Variants in GABRB3 observed in about 807,000 individuals in gnomAD.
The protein encoded by GABRB3 is gamma-aminobutyric acid type A receptor subunit beta3, also known as gamma-aminobutyric acid receptor subunit beta-3.
GABRB3 carries 14 observed loss-of-function variants against 52.1 expected under a neutral mutation model. That is an observed-to-expected ratio of 0.27 (90% CI 0.18 to 0.42). GABRB3 has a LOEUF of 0.42. GABRB3 is among the 10% of genes least tolerant of loss of function. The probability of loss-of-function intolerance (pLI) is 1.00; values close to 1 mark genes in which losing one functional copy is unlikely to be tolerated. For missense variants in GABRB3, 307 were observed against 609.1 expected (o/e 0.50, Z 5.22); for synonymous variants, 260 against 232.3 (o/e 1.12, Z -1.08).
At chr15:26,707,800 G>A (rs781564838) in intron 3 of GABRB3, among the ~76,000 whole-genome samples, 1 of 152,256 alleles carries the variant, frequency 6.6e-6, no homozygotes, top group Non-Finnish European at 1.5e-5. Flanking sequence ...TAATGATGGG[G>A]CAGAAGTTAC....
chr15:26,672,848 A>G, intron 3 of GABRB3, among the ~76,000 whole-genome samples: 1 of 152,220 alleles, frequency 6.6e-6, no homozygotes, highest in South Asian at 2.1e-4. Context: ...AATGCCATTA[A>G]AGAGAGAAAA....
chr15:26,715,455 G>A (rs1295415824), intron 3 of GABRB3, among the ~76,000 whole-genome samples: 2 of 152,066 alleles, frequency 1.3e-5, no homozygotes, highest in South Asian at 4.2e-4. Context: ...AGAGAGAGGA[G>A]AGAAAACCCA....
rs1252084304 is a variant in GABRB3, at chr15:26,669,174, T to C, written c.241-47640A>G. On this transcript the variant is annotated intron_variant, in intron 3 of 8. Coordinates refer to ENST00000311550, the MANE Select transcript of GABRB3 (RefSeq NM_000814.6). The stretch of plus-strand genomic sequence containing the variant: ...TCTCTTTTCCCACCTCTCAAACCCC[T>C]GGTGTATCTGCTCTGTGACCCCCAC... 2.6e-5 allele frequency among the ~76,000 whole-genome samples: 4 copies of C among 152,190 alleles called. No homozygotes were observed. The East Asian group carries it at 7.7e-4, about 29-fold the overall frequency.
chr15:26,568,860 G>A (rs1016510041), intron 6 of GABRB3, among the ~76,000 whole-genome samples: 15 of 151,898 alleles, frequency 9.9e-5, no homozygotes, highest in Admixed American at 2.0e-4. Context: ...TTGTTTCCCC[G>A]TTTGTTTCAA....
At chr15:26,746,711 G>A (rs147949758) in intron 3 of GABRB3, among the ~76,000 whole-genome samples, 11 of 152,172 alleles carry the variant, frequency 7.2e-5, no homozygotes, top group African/African-American at 2.6e-4. Flanking sequence ...TGGGTGGCCA[G>A]GCACGGTGGC....
At chr15:26,747,901 ATTTT>A (rs1191600076) in intron 3 of GABRB3, among the ~76,000 whole-genome samples, 1 of 101,984 alleles carries the variant, frequency 9.8e-6, no homozygotes, top group Non-Finnish European at 2.0e-5. Flanking sequence ...TTGATAATTT[ATTTT>A]TTTATTTACA....
At chr15:26,549,301 C>T (rs1451843175) in intron 8 of GABRB3, among the ~76,000 whole-genome samples, 1 of 152,152 alleles carries the variant, frequency 6.6e-6, no homozygotes, top group East Asian at 1.9e-4. Flanking sequence ...AGGCGCCGGG[C>T]CTGTATGGAG....
At chr15:26,556,266 A>AT (rs1889748174) in intron 8 of GABRB3, among the ~76,000 whole-genome samples, 1 of 152,144 alleles carries the variant, frequency 6.6e-6, no homozygotes, top group Non-Finnish European at 1.5e-5. Flanking sequence ...GCACAGAGAG[A>AT]TTTTTTGTTT....
intron 3 of GABRB3, among the ~76,000 whole-genome samples, chr15:26,683,150 T>C (rs1295627878): frequency 6.6e-6 from 1 of 152,194 alleles, no homozygotes; most frequent in Non-Finnish European, 1.5e-5. Context: ...CGCTGGATGT[T>C]GGTGTGATGC....
chr15:26,642,354 C>T, intron 3 of GABRB3: 1 of 512,724 alleles, frequency 2.0e-6, no homozygotes, highest in Non-Finnish European at 3.2e-6. Flanking sequence ...TTTTGGTGTA[C>T]TTGGAGGTAT....
intron 3 of GABRB3, among the ~76,000 whole-genome samples, chr15:26,623,668 G>A (rs1240324591): frequency 6.6e-6 from 1 of 152,076 alleles, no homozygotes; most frequent in Middle Eastern, 3.2e-3. Flanking sequence ...TGCACATTCT[G>A]GGGTCCCTAT....
intron 2 of GABRB3, 72 bp from the exon 3 acceptor site, chr15:26,772,541 G>C (rs1891178863): frequency 6.6e-7 from 1 of 1,519,086 alleles, no homozygotes; most frequent in Admixed American, 1.9e-5. Context: ...AGGACTGGGG[G>C]CTATCCCAGG....
intron 3 of GABRB3, among the ~76,000 whole-genome samples, chr15:26,648,562 A>G (rs1887088273): frequency 6.6e-6 from 1 of 152,232 alleles, no homozygotes; most frequent in Non-Finnish European, 1.5e-5. Flanking sequence ...TCAGTTAAAA[A>G]TACTGAGGAG....
chr15:26,628,227 TTTG>T (rs1288181058), intron 3 of GABRB3, among the ~76,000 whole-genome samples: 3 of 152,280 alleles, frequency 2.0e-5, no homozygotes, highest in Non-Finnish European at 4.4e-5. Context: ...CTTCATGATA[TTTG>T]CTTTACAGCA....
intron 6 of GABRB3, among the ~76,000 whole-genome samples, chr15:26,573,202 C>T (rs1250174894): frequency 4.6e-5 from 7 of 152,122 alleles, no homozygotes; most frequent in African/African-American, 1.7e-4. Flanking sequence ...TTTGTGAGCT[C>T]TCACTTAGAG....
intron 6 of GABRB3, among the ~76,000 whole-genome samples, chr15:26,568,504 T>C (rs201123942): frequency 2.3e-4 from 23 of 101,600 alleles, no homozygotes; most frequent in Admixed American, 7.0e-4. Flanking sequence ...TCCTTTCTTT[T>C]TTTTTTTTTT....
chr15:26,611,290 T>C (rs758231589), intron 4 of GABRB3, among the ~76,000 whole-genome samples: 3 of 152,202 alleles, frequency 2.0e-5, no homozygotes, highest in African/African-American at 7.2e-5. Context: ...TTCATGTTCA[T>C]TGGATGTCTG....
At chr15:26,571,794 AG>A (rs1480310702) in intron 6 of GABRB3, among the ~76,000 whole-genome samples, 2 of 152,312 alleles carry the variant, frequency 1.3e-5, no homozygotes, top group East Asian at 3.9e-4. Context: ...ATTTGTTAAA[AG>A]TAGAATGCCT....
At chr15:26,683,221 A>G (rs1027356690) in intron 3 of GABRB3, among the ~76,000 whole-genome samples, 5 of 152,322 alleles carry the variant, frequency 3.3e-5, no homozygotes, top group African/African-American at 1.2e-4. Context: ...TTTATAATAA[A>G]TGTTTAAGAG....
Sources: gnomAD v4.1 joint callset for allele counts (sites outside exome capture counted in the v4.1 genomes callset) on GRCh38, gnomAD v4.1.1 for gene constraint, MANE v1.5 for transcripts, NCBI Gene and HGNC (gene_info 2026-07-23, HGNC 2026-07-21) for gene names.